The following TMEM132D variants were observed in gnomAD, a reference collection of about 807,000 sequenced individuals.
TMEM132D encodes the protein mature OL transmembrane protein.
In TMEM132D, 21 loss-of-function variants were observed where a neutral mutation model predicts 62.3. The ratio of observed to expected loss-of-function variants is 0.34; its 90% CI spans 0.24 to 0.49. The LOEUF (loss-of-function observed/expected upper bound fraction) is 0.49. TMEM132D is among the 20% of genes least tolerant of loss of function. TMEM132D has a pLI of 0.99. For missense variants in TMEM132D, 1,346 were observed against 1,402.8 expected, an observed-to-expected ratio of 0.96 and a Z score of 0.65; for synonymous variants, 621 against 575.6, an observed-to-expected ratio of 1.08 and a Z score of -1.13.
chr12:129,577,242 C>T (rs1156835876), intron 2 of TMEM132D, among the ~76,000 whole-genome samples: 1 of 151,830 alleles, frequency 6.6e-6, no homozygotes, highest in Non-Finnish European at 1.5e-5. Flanking sequence ...TAAGCAGATA[C>T]TCACAACTCT....
intron 4 of TMEM132D, among the ~76,000 whole-genome samples, chr12:129,310,633 T>C (rs1426482501): frequency 6.6e-6 from 1 of 152,168 alleles, no homozygotes; most frequent in Non-Finnish European, 1.5e-5. Flanking sequence ...AGAATGGGCC[T>C]TGGTAAGCAA....
chr12:129,616,198 T>A (rs1177533350), intron 2 of TMEM132D, among the ~76,000 whole-genome samples: 2 of 152,210 alleles, frequency 1.3e-5, no homozygotes, highest in Non-Finnish European at 2.9e-5. Context: ...ATGCTGAGAC[T>A]CACAATGAAT....
intron 5 of TMEM132D, among the ~76,000 whole-genome samples, chr12:129,192,540 G>C (rs1878434193): frequency 6.6e-6 from 1 of 151,876 alleles, no homozygotes; most frequent in African/African-American, 2.4e-5. Context: ...TTAAGGCCCT[G>C]AAAGACTAAT....
chr12:129,654,297 A>AGTGTGT (rs10607475), intron 2 of TMEM132D, among the ~76,000 whole-genome samples: 118 of 148,458 alleles, frequency 7.9e-4, no homozygotes, highest in African/African-American at 2.1e-3. Context: ...TGTGTGTGTG[A>AGTGTGT]GTGTGTGTGT....
intron 1 of TMEM132D, among the ~76,000 whole-genome samples, chr12:129,735,956 A>T (rs1869410282): frequency 6.6e-6 from 1 of 152,164 alleles, no homozygotes; most frequent in Admixed American, 6.5e-5. Flanking sequence ...GACCACCCCC[A>T]GTCCAGCACA....
chr12:129,701,754 A>T (rs1396430585), intron 1 of TMEM132D, among the ~76,000 whole-genome samples: 2 of 152,202 alleles, frequency 1.3e-5, no homozygotes, highest in Non-Finnish European at 2.9e-5. Flanking sequence ...TTCTAGGCAA[A>T]GCTCCACAAG....
At chr12:129,539,158 G>A (rs548974590) in intron 2 of TMEM132D, among the ~76,000 whole-genome samples, 2 of 152,270 alleles carry the variant, frequency 1.3e-5, no homozygotes, top group Admixed American at 6.5e-5. Context: ...AGGAAGGATG[G>A]GGCTGGCAGC....
intron 2 of TMEM132D, among the ~76,000 whole-genome samples, chr12:129,617,767 C>G (rs751966510): frequency 2.0e-5 from 3 of 152,128 alleles, no homozygotes; most frequent in Non-Finnish European, 2.9e-5. Context: ...CTCTCTGATG[C>G]CTCTTTTCAT....
intron 3 of TMEM132D, among the ~76,000 whole-genome samples, chr12:129,358,001 T>C (rs542413682): frequency 3.9e-5 from 6 of 152,356 alleles, no homozygotes; most frequent in African/African-American, 1.2e-4. Flanking sequence ...GACCTTTTCA[T>C]CAGCATTTTC....
At chr12:129,343,638 G>T (rs963925241) in intron 3 of TMEM132D, among the ~76,000 whole-genome samples, 1 of 151,590 alleles carries the variant, frequency 6.6e-6, no homozygotes, top group African/African-American at 2.4e-5. Context: ...GTTGCCGGGC[G>T]TGGTGGCTCA....
chr12:129,149,272 A>T (rs1250872242), intron 5 of TMEM132D, among the ~76,000 whole-genome samples: 6 of 152,078 alleles, frequency 3.9e-5, no homozygotes, highest in Non-Finnish European at 8.8e-5. Flanking sequence ...CAAATATGTA[A>T]TGCATTCGGG....
At chr12:129,281,963 T>C (rs925171637) in intron 4 of TMEM132D, among the ~76,000 whole-genome samples, 1 of 152,052 alleles carries the variant, frequency 6.6e-6, no homozygotes, top group African/African-American at 2.4e-5. Context: ...TGGTGGAGGG[T>C]AGACCTCCGT....
At chr12:129,138,121 G>C (rs1055834359) in intron 5 of TMEM132D, among the ~76,000 whole-genome samples, 2 of 152,112 alleles carry the variant, frequency 1.3e-5, no homozygotes, top group Admixed American at 1.3e-4. Flanking sequence ...GATCTAGAAG[G>C]TACCCTCCCA....
At chr12:129,313,670 T>C (rs1052146946) in intron 4 of TMEM132D, among the ~76,000 whole-genome samples, 1 of 152,132 alleles carries the variant, frequency 6.6e-6, no homozygotes, top group Admixed American at 6.5e-5. Context: ...ACTATAAACA[T>C]GCATATGCAA....
At chr12:129,472,720 G>T (rs1249663241) in intron 3 of TMEM132D, among the ~76,000 whole-genome samples, 2 of 152,190 alleles carry the variant, frequency 1.3e-5, no homozygotes, top group Non-Finnish European at 2.9e-5. Flanking sequence ...CAACCTAGTT[G>T]ATAAAACAAC....
chr12:129,901,840 T>C (rs946001433), intron 1 of TMEM132D, among the ~76,000 whole-genome samples: 1 of 151,228 alleles, frequency 6.6e-6, no homozygotes, highest in African/African-American at 2.4e-5. Context: ...CTGGACCTAT[T>C]ATAAAACCAA....
chr12:129,866,104 T>C (rs1423787635), intron 1 of TMEM132D, among the ~76,000 whole-genome samples: 2 of 152,072 alleles, frequency 1.3e-5, no homozygotes, highest in African/African-American at 4.8e-5. Context: ...GGCACACAAA[T>C]GGCCAAGAAG....
intron 4 of TMEM132D, among the ~76,000 whole-genome samples, chr12:129,231,302 G>C (rs1016256520): frequency 6.6e-6 from 1 of 152,198 alleles, no homozygotes; most frequent in African/African-American, 2.4e-5. Flanking sequence ...ATTTGTAACA[G>C]AGAATGTGCA....
chr12:129,565,774 C>T (rs1156971027), intron 2 of TMEM132D, among the ~76,000 whole-genome samples: 1 of 152,170 alleles, frequency 6.6e-6, no homozygotes, highest in Non-Finnish European at 1.5e-5. Context: ...CCTTAATAAA[C>T]CTTTTGCTTG....
Sources: allele counts gnomAD v4.1 joint callset (sites outside exome capture counted in the v4.1 genomes callset), GRCh38; gene constraint gnomAD v4.1.1; transcripts MANE v1.5; gene names NCBI Gene and HGNC (gene_info 2026-07-23, HGNC 2026-07-21).